KIF21B: variants seen among roughly 807,000 people sequenced by gnomAD.
KIF21B encodes kinesin-like protein KIF21B.
KIF21B carries 85 observed loss-of-function variants against 192.9 expected under a neutral mutation model. That is an observed-to-expected ratio of 0.44 (90% confidence interval 0.37 to 0.53). KIF21B has a LOEUF of 0.53. KIF21B is among the 20% of genes least tolerant of loss of function. The pLI is 0.00. For missense variants in KIF21B, 1,716 were observed against 2,194.8 expected (o/e 0.78, Z 4.36); for synonymous variants, 832 against 884.6 (o/e 0.94, Z 1.05).
chr1:200,998,588 A>G lies in KIF21B; in HGVS notation c.1886-13T>C. The stretch of plus-strand genomic sequence containing the variant: ...TGGAAGTTCACCTCTATGGGGGCAC[A>G]ATCAGGCTCAGCCCAGCGTTAGGGC... On this transcript the variant is annotated splice_polypyrimidine_tract_variant and intron_variant, in intron 13 of 34. Coordinates refer to ENST00000461742, the MANE Select transcript of KIF21B (RefSeq NM_001252102.2). This position sits in a 1 kb window ranked among gnomAD's most constrained non-coding sequence, Gnocchi z 4.3. 1 of 1,611,406 alleles carries G rather than the reference A, an allele frequency of 6.2e-7. No homozygotes were observed. Among genetic ancestry groups the G allele is most frequent in the Non-Finnish European group, 8.5e-7 (1 of 1,178,560 alleles).
chr1:200,987,367 A>G (rs2102403545), intron 24 of KIF21B, among the ~76,000 whole-genome samples, 166 bp from the exon 25 acceptor site: 1 of 151,726 alleles, frequency 6.6e-6, no homozygotes, highest in East Asian at 1.9e-4. Context: ...AGCCTCCTCG[A>G]GCAGCTGAGA....
chr1:200,981,543 G>A (rs894544211), intron 28 of KIF21B, among the ~76,000 whole-genome samples: 1 of 152,204 alleles, frequency 6.6e-6, no homozygotes, highest in South Asian at 2.1e-4. Context: ...GAGTGTGAGG[G>A]AGGGGTGCTG....
intron 32 of KIF21B, 57 bp downstream of exon 32, chr1:200,976,719 G>T (rs1175590377): frequency 8.9e-7 from 1 of 1,128,834 alleles, no homozygotes; most frequent in South Asian, 1.4e-5. Context: ...GCAACAGAGG[G>T]CAAAGATTGG....
At position 201,000,368 on chromosome 1, in the gene KIF21B, G is replaced by A; in HGVS notation, c.1685+22C>T. On this transcript the variant is annotated intron_variant, in intron 11 of 34. Coordinates refer to ENST00000461742, the MANE Select transcript of KIF21B (RefSeq NM_001252102.2). This position sits in a 1 kb window ranked among gnomAD's most constrained non-coding sequence, Gnocchi z 6.0. Reference sequence around the variant, plus strand: ...TGGGGCGGTCTGAGGGCTCTCAGGGGCGGGGACGACACTCCACTCACCTCT... The same window carrying A: ...TGGGGCGGTCTGAGGGCTCTCAGGGACGGGGACGACACTCCACTCACCTCT... 1 of 1,535,580 alleles carries A rather than the reference G, an allele frequency of 6.5e-7. No individual in the cohort carries two copies. The highest frequency in any genetic ancestry group is 2.3e-5 in the East Asian group (1 of 44,428).
intron 1 of KIF21B, among the ~76,000 whole-genome samples, chr1:201,010,126 C>T (rs534466858): frequency 3.3e-5 from 5 of 152,278 alleles, no homozygotes; most frequent in South Asian, 2.1e-4. Flanking sequence ...AGCAGGAGGC[C>T]GGGAGCTCCC....
In KIF21B at chr1:200,988,407, T is replaced by C. The variant is rs1656442528; in HGVS notation, c.3351-54A>G. ...TCCTGAGGAGCCCCCAAATTCAGGCTCAGCCCTGGGACCTATGGCAACTCC... is the reference window on the plus strand; with the variant it reads ...TCCTGAGGAGCCCCCAAATTCAGGCCCAGCCCTGGGACCTATGGCAACTCC... On this transcript the variant is annotated intron_variant, in intron 23 of 34. Transcript: ENST00000461742. 4 of 1,612,216 alleles carry C rather than the reference T, an allele frequency of 2.5e-6. No homozygotes were observed. In the South Asian group the frequency reaches 3.3e-5, roughly 13 times the overall value.
chr1:201,019,922 C>T (rs1171142854), intron 1 of KIF21B, among the ~76,000 whole-genome samples: 1 of 152,202 alleles, frequency 6.6e-6, no homozygotes, highest in African/African-American at 2.4e-5. Flanking sequence ...TTCAGACAGT[C>T]ATTGACCAAG....
chr1:200,992,523 G>A lies in KIF21B; in HGVS notation c.2278-134C>T. The A allele has an allele frequency of 3.4e-6, 3 of 894,058 alleles. No homozygotes were observed. The South Asian group carries it at 4.4e-5, about 13-fold the overall frequency. The allele number at this position is 894,058 out of a possible 1,614,324, so 55.4% of individuals were successfully genotyped here. The stretch of plus-strand genomic sequence containing the variant: ...CAGGCAACACTGGCTCAGGGCCTGG[G>A]GGTCTGAAGTGAGGGGTTCTACCTC... On this transcript the variant is annotated intron_variant, in intron 15 of 34. Coordinates refer to ENST00000461742, the MANE Select transcript of KIF21B (RefSeq NM_001252102.2).
chr1:200,998,489 G>A lies in KIF21B; in HGVS notation c.1972C>T (p.Arg658Trp), dbSNP rs971057642. The A allele has an allele frequency of 6.2e-6, 10 of 1,613,988 alleles. No individual in the cohort carries two copies. The highest frequency in any genetic ancestry group is 8.5e-6 in the Non-Finnish European group (10 of 1,180,016). Residue 658 changes from arginine to tryptophan, a missense_variant, in exon 14 of 35, where the codon CGG becomes TGG. Around this residue, in one of 3 missense-constraint regions of KIF21B, gnomAD observed 1,087 missense variants for 1,316.6 expected, o/e 0.83. Coordinates refer to ENST00000461742, the MANE Select transcript of KIF21B (RefSeq NM_001252102.2). The surrounding 1 kb of genome is among the most constrained non-coding windows in gnomAD (Gnocchi z 4.3). ...TGGTGCTTGAGCGTCTGCAACCGCC[G>A]CTGGCTGTTCTCCAGCTCGTCGATC... ...KLIDELENSQ[R>W]RLQTLKHQYE... is the part of the protein sequence containing the mutation.
intron 3 of KIF21B, among the ~76,000 whole-genome samples, chr1:201,007,638 A>G (rs1223746956): frequency 6.6e-6 from 1 of 151,414 alleles, no homozygotes. Flanking sequence ...AGACAGGCAC[A>G]CACACACACA....
At chr1:201,018,684 T>C (rs573472944) in intron 1 of KIF21B, among the ~76,000 whole-genome samples, 1 of 152,314 alleles carries the variant, frequency 6.6e-6, no homozygotes, top group South Asian at 2.1e-4. Flanking sequence ...CCTGTGTTTG[T>C]GCATCTATAT....
chr1:201,009,881 T>C (rs1448788219), intron 1 of KIF21B, among the ~76,000 whole-genome samples: 2 of 152,174 alleles, frequency 1.3e-5, no homozygotes, highest in Non-Finnish European at 2.9e-5. Flanking sequence ...GATGGCGCCA[T>C]GTCCAGGTCT....
intron 30 of KIF21B, among the ~76,000 whole-genome samples, chr1:200,978,032 C>G (rs765672225): frequency 1.3e-5 from 2 of 150,796 alleles, no homozygotes; most frequent in Non-Finnish European, 2.9e-5. Context: ...CTGCACCCAG[C>G]CTGTTTACAT....
intron 24 of KIF21B, among the ~76,000 whole-genome samples, chr1:200,987,895 C>G (rs1656407940): frequency 6.6e-6 from 1 of 152,180 alleles, no homozygotes; most frequent in Non-Finnish European, 1.5e-5. Flanking sequence ...TTATTTTTGA[C>G]TCCCATATGG....
chr1:201,013,275 G>A (rs985178715), intron 1 of KIF21B, among the ~76,000 whole-genome samples: 3 of 152,160 alleles, frequency 2.0e-5, no homozygotes, highest in Non-Finnish European at 2.9e-5. Flanking sequence ...CTTCCTTCTA[G>A]GTTACCTAGA....
intron 29 of KIF21B, 147 bp from the exon 30 acceptor site, chr1:200,979,862 A>G: frequency 1.7e-6 from 1 of 578,492 alleles, no homozygotes; most frequent in Non-Finnish European, 2.9e-6. Context: ...AGAGGAAAAA[A>G]ACACATACAC....
intron 1 of KIF21B, among the ~76,000 whole-genome samples, chr1:201,018,362 C>T (rs528315979): frequency 2.6e-5 from 4 of 152,306 alleles, no homozygotes; most frequent in South Asian, 2.1e-4. Flanking sequence ...GATGACAGCA[C>T]GGATTTAGGA....
Position 200,983,071 on chromosome 1 carries a change from A to G in KIF21B, c.3827T>C (p.Leu1276Ser), listed in dbSNP as rs1370112877. 2 of 1,536,186 alleles carry G rather than the reference A, an allele frequency of 1.3e-6. No homozygotes were observed. Among genetic ancestry groups the G allele is most frequent in the East Asian group, 2.4e-5 (1 of 40,926 alleles). The stretch of plus-strand genomic sequence containing the variant: ...CTGTGTGTACCTCAGGACCTCCGAC[A>G]AAGAGGAGTCGCTGTCATCAGACCT... ...LDKSDDSDSS[L>S]SEVLRGIISP... The change falls in exon 28 of 35, where the codon TTG becomes TCG. Residue 1276 changes from leucine to serine, a missense_variant. Transcript: ENST00000461742.
In KIF21B at chr1:200,987,063, C is replaced by G. The variant is rs774526461; in HGVS notation, c.3547G>C (p.Val1183Leu). Residue 1183 changes from valine (V) to leucine (L), a missense_variant, in exon 25 of 35, where the codon GTC (valine) becomes CTC (leucine). By Grantham distance (32) the Val-to-Leu change is conservative. This residue lies in a region of KIF21B where 580 missense variants were observed against 775.5 expected (regional missense o/e 0.75). Transcript: ENST00000461742. Reference sequence around the variant, plus strand: ...CTGTCCCGGTAATAGGGGTCTCGGACAGAGAAGCCCACTCCGTCCTCTTTG... The same window carrying G: ...CTGTCCCGGTAATAGGGGTCTCGGAGAGAGAAGCCCACTCCGTCCTCTTTG... ...EIKEDGVGFSVRDPYYRDRVS... is the reference protein window; with the variant it reads ...EIKEDGVGFSLRDPYYRDRVS... 6.2e-7 allele frequency: 1 copy of G among 1,613,912 alleles called. No homozygotes were observed. Among genetic ancestry groups the G allele is most frequent in the East Asian group, 2.2e-5 (1 of 44,880 alleles).
Sources: gnomAD v4.1 joint callset for allele counts (sites outside exome capture counted in the v4.1 genomes callset) on GRCh38, gnomAD v4.1.1 for gene constraint, gnomAD v4.1.1 regional missense constraint, Gnocchi (gnomAD v3.1) non-coding constraint, MANE v1.5 for transcripts, NCBI Gene and HGNC (gene_info 2026-07-23, HGNC 2026-07-21) for gene names.